ZC3H12B: variants seen among roughly 807,000 people sequenced by gnomAD.
The protein encoded by ZC3H12B is probable ribonuclease ZC3H12B.
A neutral mutation model predicts 43.9 loss-of-function variants in ZC3H12B; 7 were observed. The observed-to-expected ratio is 0.16, with a 90% CI of 0.09 to 0.30. The LOEUF is 0.30. Ranked by LOEUF, ZC3H12B falls within the 10% of genes least tolerant of loss-of-function variation. The pLI, the probability that ZC3H12B is intolerant of heterozygous loss-of-function variation, is 1.00. For missense variants in ZC3H12B, 475 were observed against 670.2 expected (o/e 0.71, Z 3.22); for synonymous variants, 222 against 241.7 (o/e 0.92, Z 0.76).
At chrX:65,127,576 A>G in the ZC3H12B span, among the ~76,000 whole-genome samples, 1 of 111,197 alleles carries the variant, frequency 9.0e-6, no homozygotes, top group Non-Finnish European at 1.9e-5. Context: ...GGGTAGGGCC[A>G]CAGAGCTCCT....
chrX:65,448,437 C>A (rs745961017), intron 3 of ZC3H12B, among the ~76,000 whole-genome samples: 3 of 111,933 alleles, frequency 2.7e-5, no homozygotes, highest in South Asian at 7.5e-4. Context: ...CAAAAAGAAA[C>A]CTGCACGTGT....
Position 65,430,017 on chromosome X carries a change from C to T in ZC3H12B, n.407+31313C>T, listed in dbSNP as rs760084033. On this transcript the variant is annotated intron_variant and non_coding_transcript_variant, in intron 3 of 5. Coordinates refer to the ZC3H12B transcript ENST00000617377. ...GAAATTCCAAGCCAGGGGTTCTTAT[C>T]TTGTGAGGTGCCATGGAAAGGGGGC... 9.8e-5 allele frequency among the ~76,000 whole-genome samples: 11 copies of T among 112,430 alleles called. No individual in the cohort carries two copies. In the East Asian group the frequency reaches 2.5e-3, roughly 26 times the overall value.
chrX:65,184,423 G>A, the ZC3H12B span, among the ~76,000 whole-genome samples: 1 of 111,266 alleles, frequency 9.0e-6, no homozygotes, highest in Non-Finnish European at 1.9e-5. Flanking sequence ...TGGATGAGCA[G>A]AACTCCCCAT....
the ZC3H12B span, among the ~76,000 whole-genome samples, chrX:65,134,595 C>T: frequency 5.7e-3 from 635 of 111,400 alleles, 16 homozygotes; most frequent in East Asian, 0.11. Context: ...TGAGATGTTC[C>T]TTGGGCTGGT....
the ZC3H12B span, among the ~76,000 whole-genome samples, chrX:65,058,148 G>T: frequency 8.9e-6 from 1 of 112,064 alleles, no homozygotes; most frequent in Non-Finnish European, 1.9e-5. Context: ...TTTGGAGGGG[G>T]AGAGGTGCTG....
At chrX:65,443,392 C>G (rs1459029130) in intron 3 of ZC3H12B, among the ~76,000 whole-genome samples, 2 of 111,118 alleles carry the variant, frequency 1.8e-5, no homozygotes, top group African/African-American at 3.3e-5. Context: ...CGACCCTAAC[C>G]CAGAGGCGCT....
chrX:65,405,654 C>A (rs1222770688), intron 3 of ZC3H12B, among the ~76,000 whole-genome samples: 1 of 110,951 alleles, frequency 9.0e-6, no homozygotes, highest in South Asian at 3.8e-4. Flanking sequence ...AAGATTAAAA[C>A]AAATAAATGA....
the ZC3H12B span, among the ~76,000 whole-genome samples, chrX:65,352,173 G>A: frequency 8.9e-6 from 1 of 111,830 alleles, no homozygotes; most frequent in Admixed American, 9.5e-5. Context: ...GCAGGGACAT[G>A]GATGATGCTG....
chrX:65,256,346 A>T, the ZC3H12B span, among the ~76,000 whole-genome samples: 2 of 110,263 alleles, frequency 1.8e-5, no homozygotes, highest in South Asian at 7.4e-4. Flanking sequence ...ACATTCCAGG[A>T]CCACAGCACA....
the ZC3H12B span, among the ~76,000 whole-genome samples, chrX:65,054,147 C>A: frequency 1.8e-5 from 2 of 111,672 alleles, no homozygotes; most frequent in African/African-American, 6.5e-5. Flanking sequence ...CTTTTGTTGC[C>A]ATTGCTTTTG....
intron 3 of ZC3H12B, among the ~76,000 whole-genome samples, chrX:65,456,539 C>A (rs1471145768): frequency 9.5e-6 from 1 of 105,135 alleles, no homozygotes; most frequent in East Asian, 3.0e-4. Flanking sequence ...AACCTCCCTG[C>A]CTGATTCTCC....
chrX:65,118,438 C>T, the ZC3H12B span, among the ~76,000 whole-genome samples: 24 of 111,491 alleles, frequency 2.2e-4, no homozygotes, highest in Admixed American at 6.7e-4. Context: ...CCTGAAGTTG[C>T]TTATCAGCTT....
chrX:65,357,347 T>A, the ZC3H12B span: 2 of 228,525 alleles, frequency 8.8e-6, no homozygotes, highest in Admixed American at 1.2e-4. Flanking sequence ...CCTCTACATA[T>A]TCCTTGCAAA....
At chrX:65,188,587 A>C in the ZC3H12B span, among the ~76,000 whole-genome samples, 2 of 110,501 alleles carry the variant, frequency 1.8e-5, no homozygotes, top group East Asian at 5.7e-4. Flanking sequence ...GCACCTTTTC[A>C]TATGCCTGTT....
intron 3 of ZC3H12B, among the ~76,000 whole-genome samples, chrX:65,475,733 G>A (rs1469850474): frequency 4.5e-5 from 5 of 112,201 alleles, no homozygotes; most frequent in Admixed American, 1.9e-4. Context: ...GAGGAGCAAA[G>A]TCATGTCTTA....
the ZC3H12B span, among the ~76,000 whole-genome samples, chrX:65,152,548 A>C: frequency 9.0e-6 from 1 of 111,351 alleles, no homozygotes; most frequent in Non-Finnish European, 1.9e-5. Flanking sequence ...GACCTCTTCA[A>C]GGAGAACTAC....
the ZC3H12B span, among the ~76,000 whole-genome samples, chrX:65,174,254 C>A: frequency 8.9e-6 from 1 of 112,227 alleles, no homozygotes; most frequent in Non-Finnish European, 1.9e-5. Context: ...TGCAGTCTGT[C>A]CCTTAGCAGA....
At chrX:65,196,923 G>A in the ZC3H12B span, among the ~76,000 whole-genome samples, 4 of 111,984 alleles carry the variant, frequency 3.6e-5, no homozygotes, top group East Asian at 1.1e-3. Flanking sequence ...ATAGCTCTTA[G>A]CCTGCCCAGT....
At chrX:65,401,240 G>A (rs2066759142) in intron 3 of ZC3H12B, among the ~76,000 whole-genome samples, 1 of 111,737 alleles carries the variant, frequency 8.9e-6, no homozygotes, top group African/African-American at 3.3e-5. Flanking sequence ...CAGCAGCAGT[G>A]TGGTACAGAG....
Sources: allele counts gnomAD v4.1 joint callset (sites outside exome capture counted in the v4.1 genomes callset), GRCh38; gene constraint gnomAD v4.1.1; transcripts MANE v1.5; gene names NCBI Gene and HGNC (gene_info 2026-07-23, HGNC 2026-07-21).